ZFHX3: variants seen among roughly 807,000 people sequenced by gnomAD.
ZFHX3 encodes zinc finger homeobox protein 3.
In ZFHX3, 42 loss-of-function variants were observed where a neutral mutation model predicts 279.1. The observed-to-expected ratio is 0.15, with a 90% CI of 0.12 to 0.19. The LOEUF (loss-of-function observed/expected upper bound fraction) is 0.19, where lower values mean the gene tolerates loss of function less well. Ranked by LOEUF, ZFHX3 falls within the 10% of genes least tolerant of loss-of-function variation. ZFHX3 has a pLI of 1.00. For synonymous variants in ZFHX3, 2,293 were observed against 1,957.8 expected (o/e 1.17, Z -4.52); for missense variants, 4,981 against 4,754.0 (o/e 1.05, Z -1.40).
At chr16:73,570,826 T>C (rs1245138416) in intron 2 of ZFHX3, among the ~76,000 whole-genome samples, 1 of 151,974 alleles carries the variant, frequency 6.6e-6, no homozygotes, top group Non-Finnish European at 1.5e-5. Context: ...ATTATAAGAC[T>C]AACATCATGA....
At chr16:73,320,360 A>T (rs1437718222) in intron 3 of ZFHX3, among the ~76,000 whole-genome samples, 1 of 152,236 alleles carries the variant, frequency 6.6e-6, no homozygotes, top group Non-Finnish European at 1.5e-5. Context: ...ACCAATAGCC[A>T]AGCACGAATG....
At position 73,497,022 on chromosome 16, in the gene ZFHX3, T is replaced by C. The variant is rs557696797; in HGVS notation, c.-1546-40764A>G. ...CAGGCTGAGGGTGGTCACAGCTTCC[T>C]GCTGTTACTAGTCTCTCCAGTGTCT... is the stretch of plus-strand genomic sequence containing the variant. On this transcript the variant is annotated intron_variant, in intron 2 of 17. Transcript: ENST00000641206. Among the ~76,000 whole-genome samples, 14 of 152,320 alleles carry C rather than the reference T, an allele frequency of 9.2e-5. No homozygotes were observed. In the South Asian group the frequency reaches 2.9e-3, roughly 32 times the overall value.
intron 4 of ZFHX3, among the ~76,000 whole-genome samples, chr16:73,304,397 C>T (rs1179921121): frequency 2.0e-5 from 3 of 152,156 alleles, no homozygotes; most frequent in African/African-American, 7.2e-5. Flanking sequence ...ACATACGCAC[C>T]TTGAGGTCCC....
chr16:73,003,900 G>C (rs1052119635), intron 1 of ZFHX3, among the ~76,000 whole-genome samples: 6 of 150,226 alleles, frequency 4.0e-5, no homozygotes, highest in Admixed American at 1.3e-4. Context: ...CCTCCAGAAA[G>C]GGTATACTAA....
chr16:72,877,695 C>T (rs1272372665), intron 4 of ZFHX3, among the ~76,000 whole-genome samples: 2 of 152,206 alleles, frequency 1.3e-5, no homozygotes, highest in African/African-American at 4.8e-5. Context: ...CTTCTGATCC[C>T]TGGGCTAAAA....
chr16:73,733,177 G>C (rs1282823215), intron 1 of ZFHX3, among the ~76,000 whole-genome samples: 1 of 152,088 alleles, frequency 6.6e-6, no homozygotes, highest in Non-Finnish European at 1.5e-5. Context: ...AGTGTGTGTT[G>C]GCATTTACTA....
chr16:73,070,171 G>A (rs1290174652), intron 8 of ZFHX3, among the ~76,000 whole-genome samples: 1 of 152,080 alleles, frequency 6.6e-6, no homozygotes, highest in Non-Finnish European at 1.5e-5. Flanking sequence ...CCTTCCTGGG[G>A]CACCAGGGTC....
chr16:73,646,203 G>A (rs2052616857), intron 2 of ZFHX3, among the ~76,000 whole-genome samples: 1 of 152,094 alleles, frequency 6.6e-6, no homozygotes. Flanking sequence ...TCCAACATGA[G>A]GTGATAGATT....
intron 1 of ZFHX3, among the ~76,000 whole-genome samples, chr16:73,740,177 T>C (rs767558930): frequency 6.6e-6 from 1 of 152,184 alleles, no homozygotes; most frequent in Non-Finnish European, 1.5e-5. Flanking sequence ...TGTAATATTG[T>C]GGCTGAGACT....
chr16:72,878,034 G>GA (rs1046093302), intron 4 of ZFHX3, among the ~76,000 whole-genome samples: 14 of 151,672 alleles, frequency 9.2e-5, no homozygotes, highest in African/African-American at 3.2e-4. Flanking sequence ...GTCTACAAAT[G>GA]AAAAAACTAG....
intron 6 of ZFHX3, among the ~76,000 whole-genome samples, chr16:73,132,251 C>T (rs1567397328): frequency 6.6e-6 from 1 of 152,142 alleles, no homozygotes; most frequent in Non-Finnish European, 1.5e-5. Context: ...TATCACTGCA[C>T]TCTAGCCTGG....
intron 3 of ZFHX3, among the ~76,000 whole-genome samples, chr16:72,906,190 G>A (rs993950897): frequency 6.6e-6 from 1 of 151,968 alleles, no homozygotes; most frequent in African/African-American, 2.4e-5. Context: ...CTAGTGGAAT[G>A]AGACTGGAAG....
chr16:73,404,083 A>T (rs559578876), intron 3 of ZFHX3, among the ~76,000 whole-genome samples: 2 of 152,282 alleles, frequency 1.3e-5, no homozygotes, highest in East Asian at 3.9e-4. Context: ...CACCAGTGGG[A>T]ACTCTGAGGA....
At chr16:72,818,862 A>G (rs1191586738) in intron 5 of ZFHX3, among the ~76,000 whole-genome samples, 1 of 152,246 alleles carries the variant, frequency 6.6e-6, no homozygotes, top group Non-Finnish European at 1.5e-5. Context: ...AGGTATGGCA[A>G]GACACAGAGG....
intron 5 of ZFHX3, among the ~76,000 whole-genome samples, chr16:73,221,599 A>C (rs888622394): frequency 1.3e-5 from 2 of 152,038 alleles, no homozygotes; most frequent in Admixed American, 6.6e-5. Flanking sequence ...TTCCCCAAAA[A>C]CTATCGAAAA....
chr16:73,573,730 C>T (rs1193699498), intron 2 of ZFHX3, among the ~76,000 whole-genome samples: 2 of 152,098 alleles, frequency 1.3e-5, no homozygotes, highest in African/African-American at 4.8e-5. Flanking sequence ...TAGAATCAAA[C>T]GGTTTATTTT....
At chr16:73,126,746 A>C (rs1966576310) in intron 7 of ZFHX3, 1 of 152,318 alleles carries the variant, frequency 6.6e-6, no homozygotes, top group Non-Finnish European at 1.5e-5. Context: ...TGAGGTGGTG[A>C]GAAGACCAGG....
At chr16:73,858,009 T>C (rs1961782461) in intron 1 of ZFHX3, among the ~76,000 whole-genome samples, 4 of 151,550 alleles carry the variant, frequency 2.6e-5, no homozygotes, top group Admixed American at 2.0e-4. Flanking sequence ...GGCAGGAGAA[T>C]TGCTTGAATT....
intron 5 of ZFHX3, among the ~76,000 whole-genome samples, chr16:73,219,510 G>C (rs1439044182): frequency 6.6e-6 from 1 of 152,192 alleles, no homozygotes; most frequent in Non-Finnish European, 1.5e-5. Flanking sequence ...CCTACAACTG[G>C]GGCAGGATAA....
Sources: gnomAD v4.1 joint callset for allele counts (sites outside exome capture counted in the v4.1 genomes callset) on GRCh38, gnomAD v4.1.1 for gene constraint, MANE v1.5 for transcripts, NCBI Gene and HGNC (gene_info 2026-07-23, HGNC 2026-07-21) for gene names.